USP24: variants seen among roughly 807,000 people sequenced by gnomAD.
USP24 encodes the protein ubiquitin carboxyl-terminal hydrolase 24.
A neutral mutation model predicts 361.6 loss-of-function variants in USP24; 97 were observed. The ratio of observed to expected loss-of-function variants is 0.27; its 90% CI spans 0.23 to 0.32. The LOEUF is 0.32. Ranked by LOEUF, USP24 falls within the 10% of genes least tolerant of loss-of-function variation. The pLI is 1.00. For synonymous variants in USP24, 1,098 were observed against 1,124.6 expected (o/e 0.98, Z 0.47); for missense variants, 2,353 against 3,165.6 (o/e 0.74, Z 6.16).
At chr1:55,169,879 A>G (rs1047162470) in intron 5 of USP24, among the ~76,000 whole-genome samples, 2 of 152,154 alleles carry the variant, frequency 1.3e-5, no homozygotes, top group Non-Finnish European at 2.9e-5. Flanking sequence ...GACAATGCAC[A>G]AGTAAAATAA....
chr1:55,072,937 G>A, intron 64 of USP24, 76 bp from the exon 65 acceptor site: 2 of 1,352,978 alleles, frequency 1.5e-6, no homozygotes, highest in Non-Finnish European at 2.0e-6. Context: ...AAACGTAAAT[G>A]CTAGTTTCAT....
At chr1:55,129,018 C>T (rs897616652) in intron 32 of USP24, among the ~76,000 whole-genome samples, 1 of 152,096 alleles carries the variant, frequency 6.6e-6, no homozygotes, top group African/African-American at 2.4e-5. Flanking sequence ...CCATGCCTGC[C>T]CTGTTTTAAT....
At position 55,090,168 on chromosome 1, in the gene USP24, C is replaced by A. The variant is rs546428894; in HGVS notation, c.6555-428G>T. Among the ~76,000 whole-genome samples the A allele has an allele frequency of 6.6e-5, 10 of 152,142 alleles. No individual in the cohort carries two copies. The South Asian group carries it at 2.1e-3, about 32-fold the overall frequency. On this transcript the variant is annotated intron_variant, in intron 54 of 67. Coordinates refer to ENST00000294383, the MANE Select transcript of USP24 (RefSeq NM_015306.3). The stretch of plus-strand genomic sequence containing the variant: ...GCTTTATTGCTAAAATCATTAATAT[C>A]CTACCTTATGGAATAAAAAAAAAAT...
At chr1:55,094,325 G>A (rs1225628900) in intron 51 of USP24, among the ~76,000 whole-genome samples, 2 of 152,062 alleles carry the variant, frequency 1.3e-5, no homozygotes, top group Admixed American at 6.6e-5. Context: ...AGATAAAATA[G>A]TGCAGGGCAA....
intron 28 of USP24, among the ~76,000 whole-genome samples, chr1:55,135,100 A>G (rs887635796): frequency 2.0e-5 from 3 of 152,296 alleles, no homozygotes; most frequent in African/African-American, 7.2e-5. Context: ...AGCTGCTATA[A>G]TATCATTCTG....
At position 55,067,020 on chromosome 1, in the gene USP24, G is replaced by C. The variant is rs1164793420; in HGVS notation, c.*2025C>G. ...GATGGTCATTGCAGCAACAATATAA[G>C]CAACATGATCTGAAGCGTATAATAT... is the stretch of plus-strand genomic sequence containing the variant. On this transcript the variant is annotated 3_prime_UTR_variant, in exon 68 of 68. Transcript: ENST00000294383. 1 of 152,172 alleles carries C rather than the reference G, an allele frequency of 6.6e-6. No individual in the cohort carries two copies. The highest frequency in any genetic ancestry group is 2.1e-4 in the South Asian group (1 of 4,824). 9.4% of individuals were successfully genotyped at this position (152,172 alleles called of 1,614,324 possible). A position where few individuals can be genotyped will look rare whatever the true frequency, so the allele number is the denominator to read the frequency against.
intron 10 of USP24, among the ~76,000 whole-genome samples, chr1:55,158,058 A>T (rs1647872583): frequency 6.6e-6 from 1 of 152,184 alleles, no homozygotes. Context: ...GAAACATCGG[A>T]TCTATTCATT....
At chr1:55,110,291 A>C in intron 38 of USP24, 45 bp from the exon 39 acceptor site, 1 of 1,449,736 alleles carries the variant, frequency 6.9e-7, no homozygotes, top group Non-Finnish European at 9.2e-7. Flanking sequence ...GGCTGATTTG[A>C]AAATAAAAAG....
chr1:55,138,905 C>A (rs1230550833), intron 25 of USP24, 39 bp downstream of exon 25: 1 of 1,596,564 alleles, frequency 6.3e-7, no homozygotes, highest in South Asian at 1.1e-5. Context: ...TTGAGTCCAG[C>A]CTAAGCAACA....
chr1:55,170,318 TG>T (rs1044740720), intron 5 of USP24, among the ~76,000 whole-genome samples: 1 of 152,012 alleles, frequency 6.6e-6, no homozygotes, highest in African/African-American at 2.4e-5. Flanking sequence ...TGCACCTTTC[TG>T]GGTCTCAGTG....
At chr1:55,122,028 T>C (rs1646297184) in intron 36 of USP24, among the ~76,000 whole-genome samples, 1 of 152,116 alleles carries the variant, frequency 6.6e-6, no homozygotes, top group Non-Finnish European at 1.5e-5. Flanking sequence ...CATCAGACAG[T>C]GTTTGGGGGC....
At chr1:55,191,452 A>C (rs1644284134) in intron 1 of USP24, among the ~76,000 whole-genome samples, 1 of 151,434 alleles carries the variant, frequency 6.6e-6, no homozygotes, top group Admixed American at 6.6e-5. Context: ...GTTTGGACTA[A>C]GGCTTAGTAT....
intron 8 of USP24, among the ~76,000 whole-genome samples, chr1:55,161,607 TAAAC>T (rs1174931713): frequency 1.3e-5 from 2 of 152,140 alleles, no homozygotes; most frequent in Non-Finnish European, 2.9e-5. Flanking sequence ...TAAAAATAAA[TAAAC>T]AGAAGTATTT....
intron 66 of USP24, 40 bp downstream of exon 66, chr1:55,072,277 A>G: frequency 6.4e-7 from 1 of 1,561,220 alleles, no homozygotes; most frequent in Non-Finnish European, 8.8e-7. Flanking sequence ...AATCCTCCAT[A>G]AGTGATTTAG....
intron 37 of USP24, 135 bp from the exon 38 acceptor site, chr1:55,120,891 T>C: frequency 6.8e-6 from 8 of 1,170,932 alleles, no homozygotes; most frequent in Non-Finnish European, 9.1e-6. Context: ...GTATGAGTGT[T>C]TCAGATTTTA....
chr1:55,201,494 G>A (rs1051101361), intron 1 of USP24, among the ~76,000 whole-genome samples: 5 of 150,836 alleles, frequency 3.3e-5, no homozygotes, highest in Admixed American at 2.0e-4. Flanking sequence ...CCAGCCACTC[G>A]GGAGGCTGAG....
chr1:55,081,608 T>C (rs1230348293), intron 58 of USP24, among the ~76,000 whole-genome samples, 184 bp from the exon 59 acceptor site: 1 of 152,206 alleles, frequency 6.6e-6, no homozygotes, highest in Non-Finnish European at 1.5e-5. Flanking sequence ...TATTAACTCA[T>C]ATTCTAAAAC....
At chr1:55,087,282 A>G (rs1645272545) in intron 55 of USP24, among the ~76,000 whole-genome samples, 1 of 152,228 alleles carries the variant, frequency 6.6e-6, no homozygotes, top group Admixed American at 6.5e-5. Context: ...AAACTATAAT[A>G]AACTCCATCA....
intron 53 of USP24, among the ~76,000 whole-genome samples, chr1:55,092,472 C>T (rs528527645): frequency 9.8e-5 from 15 of 152,314 alleles, no homozygotes; most frequent in Middle Eastern, 3.4e-3. Flanking sequence ...GAAAGTTAAT[C>T]TTTAGTCTTG....
Sources: gnomAD v4.1 joint callset for allele counts (sites outside exome capture counted in the v4.1 genomes callset) on GRCh38, gnomAD v4.1.1 for gene constraint, MANE v1.5 for transcripts, NCBI Gene and HGNC (gene_info 2026-07-23, HGNC 2026-07-21) for gene names.